Variants in TRDN observed in about 807,000 individuals in gnomAD.
TRDN encodes the protein triadin, also known as triadin in skeletal muscle.
TRDN carries 161 observed loss-of-function variants against 149.7 expected under a neutral mutation model. That is an observed-to-expected ratio of 1.08 (90% CI 0.95 to 1.23). TRDN has a LOEUF of 1.23. TRDN is among the 50% of genes most tolerant of loss of function. The pLI is 0.00. For synonymous variants in TRDN, 294 were observed against 250.5 expected, an observed-to-expected ratio of 1.17 and a Z score of -1.64; for missense variants, 896 against 823.5, an observed-to-expected ratio of 1.09 and a Z score of -1.08.
intron 31 of TRDN, among the ~76,000 whole-genome samples, chr6:123,269,037 G>T (rs997908718): frequency 1.3e-5 from 2 of 151,952 alleles, no homozygotes; most frequent in African/African-American, 4.8e-5. Flanking sequence ...TATTTTGCAT[G>T]CAAGAGCCAG....
At chr6:123,245,868 G>T (rs1776154864) in intron 38 of TRDN, among the ~76,000 whole-genome samples, 1 of 152,086 alleles carries the variant, frequency 6.6e-6, no homozygotes, top group African/African-American at 2.4e-5. Flanking sequence ...AAATGCAAAA[G>T]AATGTAAATC....
intron 1 of TRDN, among the ~76,000 whole-genome samples, chr6:123,580,798 A>C (rs780492095): frequency 6.6e-6 from 1 of 152,328 alleles, no homozygotes; most frequent in Non-Finnish European, 1.5e-5. Context: ...ACTTTGGAAC[A>C]CTGACTTCAT....
intron 12 of TRDN, among the ~76,000 whole-genome samples, chr6:123,396,110 C>A (rs1772714228): frequency 6.6e-6 from 1 of 152,052 alleles, no homozygotes; most frequent in African/African-American, 2.4e-5. Context: ...AGGAATCGAC[C>A]CTGAGTCCAT....
chr6:123,627,379 A>C (rs1413295327), intron 1 of TRDN, among the ~76,000 whole-genome samples: 2 of 152,184 alleles, frequency 1.3e-5, no homozygotes, highest in Non-Finnish European at 2.9e-5. Flanking sequence ...TGCATTGTCA[A>C]TAAGCAGAAA....
intron 13 of TRDN, among the ~76,000 whole-genome samples, chr6:123,391,188 C>G (rs538273035): frequency 6.6e-6 from 1 of 151,968 alleles, no homozygotes; most frequent in Admixed American, 6.6e-5. Context: ...CTAATTGGCT[C>G]CAAAAAAATT....
At chr6:123,533,964 G>A (rs1418532108) in intron 4 of TRDN, among the ~76,000 whole-genome samples, 1 of 152,130 alleles carries the variant, frequency 6.6e-6, no homozygotes, top group Non-Finnish European at 1.5e-5. Context: ...ATGCAACCCA[G>A]TTCTACAACT....
intron 1 of TRDN, among the ~76,000 whole-genome samples, chr6:123,593,539 G>A (rs1308833268): frequency 6.6e-6 from 1 of 152,320 alleles, no homozygotes; most frequent in East Asian, 1.9e-4. Flanking sequence ...TATTGATAGG[G>A]TTCTTTCTGA....
intron 21 of TRDN, among the ~76,000 whole-genome samples, chr6:123,339,514 A>C (rs1779991972): frequency 6.6e-6 from 1 of 152,214 alleles, no homozygotes; most frequent in Non-Finnish European, 1.5e-5. Context: ...TCCAGCAAGC[A>C]GTTGGAAAAA....
In TRDN at chr6:123,225,871, C is replaced by A. The variant is rs114004193; in HGVS notation, c.1976-1740G>T. Among the ~76,000 whole-genome samples the A allele has an allele frequency of 2.0e-5, 3 of 151,680 alleles. No homozygotes were observed. In the East Asian group the frequency reaches 5.9e-4, roughly 30 times the overall value. ...CTGAGGCAATTCTAATGCAATATAA[C>A]GGAATGATGCTTTAATTTTTAACAT... On this transcript the variant is annotated intron_variant, in intron 38 of 40. Coordinates refer to ENST00000334268, the MANE Select transcript of TRDN (RefSeq NM_006073.4).
At chr6:123,219,522 G>T (rs2114494259) in intron 40 of TRDN, among the ~76,000 whole-genome samples, 1 of 151,834 alleles carries the variant, frequency 6.6e-6, no homozygotes, top group South Asian at 2.1e-4. Flanking sequence ...TAAAGCTAGT[G>T]GTGTGTGGGA....
At chr6:123,225,450 A>T (rs1775317968) in intron 38 of TRDN, among the ~76,000 whole-genome samples, 2 of 151,682 alleles carry the variant, frequency 1.3e-5, no homozygotes, top group Admixed American at 1.3e-4. Flanking sequence ...CCAAATATTT[A>T]TCAAATATAT....
chr6:123,258,521 G>C (rs912609735), intron 35 of TRDN, among the ~76,000 whole-genome samples: 11 of 152,158 alleles, frequency 7.2e-5, no homozygotes, highest in Admixed American at 7.2e-4. Flanking sequence ...TTAATGTGCT[G>C]CTGGATTCGG....
At chr6:123,373,997 T>C (rs1275623213) in intron 19 of TRDN, among the ~76,000 whole-genome samples, 6 of 152,184 alleles carry the variant, frequency 3.9e-5, no homozygotes, top group Admixed American at 2.0e-4. Context: ...ACATTTTTAG[T>C]TGGGAAAATG....
At chr6:123,433,041 A>G (rs1287355636) in intron 12 of TRDN, among the ~76,000 whole-genome samples, 1 of 150,700 alleles carries the variant, frequency 6.6e-6, no homozygotes, top group African/African-American at 2.4e-5. Flanking sequence ...CTTCAGCTCA[A>G]TCTCTTCCAT....
At chr6:123,583,319 T>C (rs1408208794) in intron 1 of TRDN, among the ~76,000 whole-genome samples, 2 of 151,848 alleles carry the variant, frequency 1.3e-5, no homozygotes, top group Non-Finnish European at 2.9e-5. Flanking sequence ...GGGGGCACAG[T>C]CTAAGTTCTG....
chr6:123,253,455 T>C (rs1037559200), intron 37 of TRDN, among the ~76,000 whole-genome samples: 2 of 152,140 alleles, frequency 1.3e-5, no homozygotes, highest in Admixed American at 6.6e-5. Context: ...TGGATACATG[T>C]TTTCAGTATT....
intron 38 of TRDN, among the ~76,000 whole-genome samples, chr6:123,226,545 A>G (rs555028149): frequency 2.0e-5 from 3 of 152,042 alleles, no homozygotes; most frequent in South Asian, 2.1e-4. Context: ...TCAACTGGCT[A>G]TAAGTGACAA....
At chr6:123,224,754 A>G (rs781151919) in intron 38 of TRDN, among the ~76,000 whole-genome samples, 61 of 151,906 alleles carry the variant, frequency 4.0e-4, no homozygotes, top group Non-Finnish European at 8.0e-4. Flanking sequence ...CCCAAAATCA[A>G]TTCAAAATGG....
chr6:123,443,114 G>A (rs1347665134), intron 10 of TRDN, among the ~76,000 whole-genome samples: 1 of 151,852 alleles, frequency 6.6e-6, no homozygotes, highest in Non-Finnish European at 1.5e-5. Context: ...AAAAAGAGTT[G>A]CAAATATCGA....
Sources: gnomAD v4.1 joint callset for allele counts (sites outside exome capture counted in the v4.1 genomes callset) on GRCh38, gnomAD v4.1.1 for gene constraint, MANE v1.5 for transcripts, NCBI Gene and HGNC (gene_info 2026-07-23, HGNC 2026-07-21) for gene names.